Variants in RMDN2 observed in about 807,000 individuals in gnomAD.
RMDN2 encodes regulator of microtubule dynamics 2.
RMDN2 carries 61 observed loss-of-function variants against 52.8 expected under a neutral mutation model. The observed-to-expected ratio is 1.16, with a 90% CI of 0.94 to 1.43. RMDN2 has a LOEUF of 1.43. Among genes scored for constraint, RMDN2 ranks in the 40% most tolerant of loss-of-function variants. The probability of loss-of-function intolerance (pLI) is 0.00; values close to 1 mark genes in which losing one functional copy is unlikely to be tolerated. For synonymous variants in RMDN2, 180 were observed against 153.1 expected, an observed-to-expected ratio of 1.18 and a Z score of -1.30; for missense variants, 592 against 475.3, an observed-to-expected ratio of 1.25 and a Z score of -2.28.
chr2:37,984,193 A>G (rs1673688536), intron 5 of RMDN2, among the ~76,000 whole-genome samples: 1 of 152,196 alleles, frequency 6.6e-6, no homozygotes. Flanking sequence ...TGACTTTGTA[A>G]CTTTAAGGCT....
intron 10 of RMDN2, among the ~76,000 whole-genome samples, chr2:38,007,119 G>A (rs1469718877): frequency 1.3e-5 from 2 of 152,132 alleles, no homozygotes; most frequent in Non-Finnish European, 2.9e-5. Context: ...GTATTTTATT[G>A]AGGATTTTTG....
chr2:38,055,810 A>G (rs947543396), intron 10 of RMDN2, among the ~76,000 whole-genome samples: 1 of 152,190 alleles, frequency 6.6e-6, no homozygotes, highest in Admixed American at 6.5e-5. Flanking sequence ...GCCCCTGTCT[A>G]TACCAATTAC....
At chr2:37,958,968 T>C (rs1669841687) in intron 2 of RMDN2, among the ~76,000 whole-genome samples, 1 of 151,154 alleles carries the variant, frequency 6.6e-6, no homozygotes, top group Non-Finnish European at 1.5e-5. Context: ...TTGACTTGCA[T>C]GTGTTGAACC....
chr2:37,964,678 A>T (rs1485120374), intron 2 of RMDN2, among the ~76,000 whole-genome samples: 1 of 152,100 alleles, frequency 6.6e-6, no homozygotes, highest in East Asian at 1.9e-4. Context: ...CATGGTCTAT[A>T]TGTGTTGTTA....
chr2:38,006,618 A>T (rs1044951848), intron 10 of RMDN2, among the ~76,000 whole-genome samples: 3 of 151,910 alleles, frequency 2.0e-5, no homozygotes, highest in African/African-American at 7.3e-5. Flanking sequence ...AGATGATGGG[A>T]TTTTCTAGAT....
chr2:37,946,883 A>G (rs925500516), intron 2 of RMDN2, among the ~76,000 whole-genome samples: 13 of 152,146 alleles, frequency 8.5e-5, no homozygotes, highest in African/African-American at 2.9e-4. Context: ...TAGAATGCAT[A>G]TGTACTTGTT....
chr2:37,992,661 G>C (rs1251372260), intron 7 of RMDN2, among the ~76,000 whole-genome samples: 2 of 152,094 alleles, frequency 1.3e-5, no homozygotes, highest in African/African-American at 4.8e-5. Flanking sequence ...GCTTCTACAA[G>C]TATTTGTTTC....
chr2:38,039,362 TAC>T (rs1680812726), intron 10 of RMDN2: 1 of 152,126 alleles, frequency 6.6e-6, no homozygotes, highest in African/African-American at 2.4e-5. Context: ...GAAGCCAACA[TAC>T]AGTCTTTTCA....
chr2:37,943,431 TTAAC>T lies in RMDN2; in HGVS notation c.452+13707_452+13710del, dbSNP rs1420595701. On this transcript the variant is annotated intron_variant, in intron 2 of 10. Coordinates refer to ENST00000354545, the MANE Select transcript of RMDN2 (RefSeq NM_001170791.3). ...CCAAGCAGGAATCCCGGTTCAGCCT[TTAAC>T]TAACCATGTAACTTCACTTCTCCAA... Among the ~76,000 whole-genome samples, 10 of 152,216 alleles carry T rather than the reference TTAAC, an allele frequency of 6.6e-5. No individual in the cohort carries two copies. The South Asian group carries it at 1.4e-3, about 22-fold the overall frequency.
At chr2:37,985,456 A>C (rs941040268) in intron 5 of RMDN2, among the ~76,000 whole-genome samples, 3 of 152,146 alleles carry the variant, frequency 2.0e-5, no homozygotes, top group Non-Finnish European at 4.4e-5. Flanking sequence ...TAAAGCACTG[A>C]GGCAAGTTCA....
At chr2:38,016,750 AG>A (rs1678845444) in intron 10 of RMDN2, among the ~76,000 whole-genome samples, 1 of 152,172 alleles carries the variant, frequency 6.6e-6, no homozygotes, top group African/African-American at 2.4e-5. Flanking sequence ...CTTCAGGCAA[AG>A]CTCAAGCCTT....
chr2:37,994,328 A>C (rs1451335266), intron 7 of RMDN2, among the ~76,000 whole-genome samples: 3 of 152,238 alleles, frequency 2.0e-5, no homozygotes, highest in Non-Finnish European at 4.4e-5. Flanking sequence ...TTCTGAAAAT[A>C]AACTGTTACG....
intron 7 of RMDN2, among the ~76,000 whole-genome samples, chr2:37,996,165 A>T (rs1034417996): frequency 3.5e-4 from 54 of 152,352 alleles, no homozygotes; most frequent in African/African-American, 1.3e-3. Context: ...TCATACCATT[A>T]AGTGAAAAAG....
intron 2 of RMDN2, among the ~76,000 whole-genome samples, chr2:37,963,696 G>A (rs552565212): frequency 1.6e-3 from 249 of 152,288 alleles, no homozygotes; most frequent in Non-Finnish European, 2.9e-3. Context: ...GAACAAAATG[G>A]AGTCTCCTAT....
intron 2 of RMDN2, chr2:37,952,005 A>G: frequency 6.2e-7 from 1 of 1,613,108 alleles, no homozygotes; most frequent in Non-Finnish European, 8.5e-7. Context: ...TTCTCCAATC[A>G]TGATTCCACA....
At chr2:38,064,712 T>C (rs561628826) in intron 10 of RMDN2, among the ~76,000 whole-genome samples, 16 of 152,102 alleles carry the variant, frequency 1.1e-4, no homozygotes, top group African/African-American at 3.9e-4. Context: ...AGTGGAGATA[T>C]GATGTAAACA....
At chr2:38,022,974 C>T (rs1045003218) in intron 10 of RMDN2, among the ~76,000 whole-genome samples, 8 of 152,068 alleles carry the variant, frequency 5.3e-5, no homozygotes, top group African/African-American at 9.7e-5. Context: ...TCTTTGAGCC[C>T]GGGGCTGTTT....
intron 10 of RMDN2, among the ~76,000 whole-genome samples, chr2:38,013,255 G>A (rs966944382): frequency 4.6e-5 from 7 of 152,228 alleles, no homozygotes; most frequent in Admixed American, 4.6e-4. Context: ...GTTCATCAAC[G>A]TGGAGCCTAC....
At chr2:37,940,520 A>G (rs1290851523) in intron 2 of RMDN2, among the ~76,000 whole-genome samples, 1 of 152,190 alleles carries the variant, frequency 6.6e-6, no homozygotes, top group Non-Finnish European at 1.5e-5. Context: ...CAGGTGCACC[A>G]AACAAACACA....
Sources: gnomAD v4.1 joint callset for allele counts (sites outside exome capture counted in the v4.1 genomes callset) on GRCh38, gnomAD v4.1.1 for gene constraint, MANE v1.5 for transcripts, NCBI Gene and HGNC (gene_info 2026-07-23, HGNC 2026-07-21) for gene names.